DLG2: variants seen among roughly 807,000 people sequenced by gnomAD.
DLG2 encodes the protein discs large MAGUK scaffold protein 2, also known as disks large homolog 2.
In DLG2, 45 loss-of-function variants were observed where a neutral mutation model predicts 132.5. The ratio of observed to expected loss-of-function variants is 0.34; its 90% CI spans 0.27 to 0.44. The LOEUF (loss-of-function observed/expected upper bound fraction) is 0.44, where lower values mean the gene tolerates loss of function less well. Among genes scored for constraint, DLG2 ranks in the 20% least tolerant of loss-of-function variants. DLG2 has a pLI of 1.00. For synonymous variants in DLG2, 424 were observed against 419.6 expected, an observed-to-expected ratio of 1.01 and a Z score of -0.13; for missense variants, 1,045 against 1,196.9, an observed-to-expected ratio of 0.87 and a Z score of 1.87.
intron 16 of DLG2, among the ~76,000 whole-genome samples, chr11:83,838,111 T>C (rs532645860): frequency 1.3e-5 from 2 of 152,168 alleles, no homozygotes; most frequent in Non-Finnish European, 2.9e-5. Flanking sequence ...GATATTGTGC[T>C]TGATGCTTTA....
chr11:85,438,324 T>A (rs2091598809), intron 3 of DLG2, among the ~76,000 whole-genome samples: 2 of 152,272 alleles, frequency 1.3e-5, no homozygotes, highest in South Asian at 4.1e-4. Flanking sequence ...ATATCCAAAC[T>A]ATATAAAATA....
intron 6 of DLG2, among the ~76,000 whole-genome samples, chr11:85,031,348 A>G (rs186117975): frequency 1.2e-3 from 187 of 152,154 alleles, no homozygotes; most frequent in African/African-American, 4.3e-3. Context: ...AGCAGTGTAC[A>G]GCTGATATTT....
At chr11:84,837,469 T>G (rs1426805813) in intron 6 of DLG2, among the ~76,000 whole-genome samples, 5 of 151,788 alleles carry the variant, frequency 3.3e-5, no homozygotes, top group African/African-American at 1.2e-4. Context: ...CCCCTGCCCA[T>G]TCTCCTAGAT....
chr11:85,414,291 C>A (rs903022710), intron 3 of DLG2, among the ~76,000 whole-genome samples: 8 of 151,944 alleles, frequency 5.3e-5, no homozygotes, highest in African/African-American at 1.9e-4. Context: ...GTTCTAGGAG[C>A]TTTCTGGAGG....
At chr11:84,246,208 G>T (rs1005006629) in intron 8 of DLG2, among the ~76,000 whole-genome samples, 3 of 152,174 alleles carry the variant, frequency 2.0e-5, no homozygotes, top group African/African-American at 7.2e-5. Flanking sequence ...ATTAAATGGA[G>T]AATTCCAGAA....
At chr11:84,141,657 T>C (rs551285395) in intron 9 of DLG2, among the ~76,000 whole-genome samples, 3 of 152,284 alleles carry the variant, frequency 2.0e-5, no homozygotes, top group Admixed American at 6.5e-5. Flanking sequence ...GGAGCCAAGT[T>C]AGTTAACATT....
chr11:84,586,938 C>T (rs984898458), intron 6 of DLG2, among the ~76,000 whole-genome samples: 7 of 152,148 alleles, frequency 4.6e-5, no homozygotes, highest in Non-Finnish European at 8.8e-5. Flanking sequence ...TTGGGTTTCC[C>T]ACCTTGATGG....
chr11:84,726,848 T>C (rs995333733), intron 6 of DLG2, among the ~76,000 whole-genome samples: 2 of 152,226 alleles, frequency 1.3e-5, no homozygotes, highest in Non-Finnish European at 2.9e-5. Flanking sequence ...ATTTCTCTAA[T>C]AACCAGTGAT....
intron 15 of DLG2, among the ~76,000 whole-genome samples, chr11:83,879,228 C>T (rs1415369980): frequency 6.6e-6 from 1 of 152,056 alleles, no homozygotes; most frequent in African/African-American, 2.4e-5. Context: ...GTGGTTTTTC[C>T]AATATGTTGT....
chr11:84,984,512 C>T (rs953846889), intron 6 of DLG2, among the ~76,000 whole-genome samples: 3 of 150,772 alleles, frequency 2.0e-5, no homozygotes, highest in Non-Finnish European at 3.0e-5. Context: ...CCTGGAAACA[C>T]ATCAAAACAG....
chr11:84,872,095 G>A (rs1235323603), intron 6 of DLG2, among the ~76,000 whole-genome samples: 6 of 152,026 alleles, frequency 3.9e-5, no homozygotes, highest in Admixed American at 3.3e-4. Flanking sequence ...ACCAGTACTC[G>A]TGAATACATG....
chr11:84,017,309 CAAAT>C (rs930552636), intron 11 of DLG2, among the ~76,000 whole-genome samples: 2 of 151,646 alleles, frequency 1.3e-5, no homozygotes, highest in Non-Finnish European at 2.9e-5. Context: ...TGATTATAAA[CAAAT>C]AAAGAGAAGA....
At chr11:83,890,363 C>T (rs955098348) in intron 15 of DLG2, among the ~76,000 whole-genome samples, 2 of 151,904 alleles carry the variant, frequency 1.3e-5, no homozygotes, top group Non-Finnish European at 2.9e-5. Flanking sequence ...ATCTGGATGT[C>T]AGAAATGTGG....
chr11:84,948,039 T>G (rs868789246), intron 6 of DLG2, among the ~76,000 whole-genome samples: 3 of 152,202 alleles, frequency 2.0e-5, no homozygotes, highest in South Asian at 2.1e-4. Flanking sequence ...GAGAGAAGTA[T>G]TCTACCTTTT....
intron 7 of DLG2, among the ~76,000 whole-genome samples, chr11:84,297,458 C>G (rs1032485679): frequency 3.3e-5 from 5 of 152,084 alleles, no homozygotes; most frequent in Non-Finnish European, 5.9e-5. Context: ...CCTCAGGAAT[C>G]CACACTATTT....
intron 7 of DLG2, among the ~76,000 whole-genome samples, chr11:84,319,926 T>G (rs2098394382): frequency 6.6e-6 from 1 of 152,224 alleles, no homozygotes; most frequent in Admixed American, 6.5e-5. Context: ...AACAAGACTT[T>G]TCTTTTCAAA....
At chr11:83,612,325 G>A (rs2060232971) in intron 19 of DLG2, among the ~76,000 whole-genome samples, 1 of 152,162 alleles carries the variant, frequency 6.6e-6, no homozygotes, top group South Asian at 2.1e-4. Flanking sequence ...GTAAAAATAG[G>A]TCAATAATGT....
chr11:84,822,399 T>C (rs1340669313), intron 6 of DLG2, among the ~76,000 whole-genome samples: 3 of 151,826 alleles, frequency 2.0e-5, no homozygotes, highest in Non-Finnish European at 2.9e-5. Flanking sequence ...GAAAAGAGTA[T>C]GAATAATTAA....
At chr11:83,541,930 A>C (rs2096078362) in intron 19 of DLG2, 72 bp from the exon 20 acceptor site, 1 of 1,449,430 alleles carries the variant, frequency 6.9e-7, no homozygotes, top group Admixed American at 2.2e-5. Context: ...ATGGTTTCAA[A>C]TGTTTGCTCT....
Sources: allele counts gnomAD v4.1 joint callset (sites outside exome capture counted in the v4.1 genomes callset), GRCh38; gene constraint gnomAD v4.1.1; transcripts MANE v1.5; gene names NCBI Gene and HGNC (gene_info 2026-07-23, HGNC 2026-07-21).